The following AK8 variants were observed in gnomAD, a reference collection of about 807,000 sequenced individuals.
AK8 encodes the protein ATP-AMP transphosphorylase 8.
In AK8, 44 loss-of-function variants were observed where a neutral mutation model predicts 54.6. The ratio of observed to expected loss-of-function variants is 0.81; its 90% CI spans 0.63 to 1.04. The LOEUF (loss-of-function observed/expected upper bound fraction) is 1.04. Among genes scored for constraint, AK8 ranks in the 50% least tolerant of loss-of-function variants. The pLI, the probability that AK8 is intolerant of heterozygous loss-of-function variation, is 0.00. For synonymous variants in AK8, 239 were observed against 245.6 expected (o/e 0.97, Z 0.25); for missense variants, 555 against 613.6 (o/e 0.90, Z 1.01).
At chr9:132,844,752 G>C (rs1282278727) in intron 5 of AK8, among the ~76,000 whole-genome samples, 1 of 152,112 alleles carries the variant, frequency 6.6e-6, no homozygotes, top group East Asian at 1.9e-4. Flanking sequence ...AGACTAGAAG[G>C]GATTTCCATG....
At chr9:132,764,621 T>C (rs1838638861) in intron 11 of AK8, among the ~76,000 whole-genome samples, 1 of 151,944 alleles carries the variant, frequency 6.6e-6, no homozygotes, top group Non-Finnish European at 1.5e-5. Context: ...TCAGAAGAAA[T>C]AGTAAAACTG....
chr9:132,836,575 G>T (rs1194044788), intron 5 of AK8, among the ~76,000 whole-genome samples: 1 of 152,202 alleles, frequency 6.6e-6, no homozygotes, highest in African/African-American at 2.4e-5. Flanking sequence ...TGAAACTGGG[G>T]TCTTGCTATA....
intron 10 of AK8, among the ~76,000 whole-genome samples, chr9:132,801,599 G>A (rs1233125738): frequency 6.6e-6 from 1 of 152,080 alleles, no homozygotes; most frequent in East Asian, 1.9e-4. Context: ...CACATCTCAA[G>A]GGCAGCAAGG....
In AK8 at chr9:132,878,103, G is replaced by C. The variant is rs747443639; in HGVS notation, c.84+69C>G. 1 of 1,543,938 alleles carries C rather than the reference G, an allele frequency of 6.5e-7. No individual in the cohort carries two copies. Among genetic ancestry groups the C allele is most frequent in the African/African-American group, 1.4e-5 (1 of 72,664 alleles). ...GGCCCCAGCTGCGGGTCCCGGCCGC[G>C]CACCCGACGTCGCAGTGGAGGCTCC... On this transcript the variant is annotated intron_variant, in intron 1 of 12. Transcript: ENST00000298545. The surrounding 1 kb of genome is among the most constrained non-coding windows in gnomAD (Gnocchi z 4.7).
intron 11 of AK8, among the ~76,000 whole-genome samples, chr9:132,746,233 T>C (rs997514891): frequency 2.6e-5 from 4 of 152,060 alleles, no homozygotes; most frequent in Admixed American, 1.3e-4. Flanking sequence ...CACACACACA[T>C]AGACACACAC....
intron 10 of AK8, among the ~76,000 whole-genome samples, chr9:132,802,561 G>T (rs1840511963): frequency 6.6e-6 from 1 of 152,106 alleles, no homozygotes; most frequent in Non-Finnish European, 1.5e-5. Flanking sequence ...CCCACGGAGA[G>T]GCTGTGAGGA....
At position 132,826,812 on chromosome 9, in the gene AK8, C is replaced by G; in HGVS notation, c.757+42G>C. On this transcript the variant is annotated intron_variant, in intron 8 of 12. Transcript: ENST00000298545. The surrounding 1 kb of genome is among the most constrained non-coding windows in gnomAD (Gnocchi z 4.5). ...GGTAGAAGGCACAGCGAGCCCCGCCCTTGGCCGTCTGTCCAGGGTGGGGCT... is the reference window on the plus strand; with the variant it reads ...GGTAGAAGGCACAGCGAGCCCCGCCGTTGGCCGTCTGTCCAGGGTGGGGCT... 6.2e-7 allele frequency: 1 copy of G among 1,600,280 alleles called. No homozygotes were observed. The highest frequency in any genetic ancestry group is 1.1e-5 in the South Asian group (1 of 90,748).
At chr9:132,744,037 G>C (rs1837521577) in intron 11 of AK8, among the ~76,000 whole-genome samples, 3 of 152,198 alleles carry the variant, frequency 2.0e-5, no homozygotes, top group African/African-American at 7.2e-5. Context: ...TAGCGGGAGG[G>C]ACGGGGGTTG....
rs779143686 is a variant in AK8 at position 132,878,221 on chromosome 9, G to A, written c.35C>T (p.Pro12Leu). 1.4e-5 allele frequency: 21 copies of A among 1,458,180 alleles called. No individual in the cohort carries two copies. Among genetic ancestry groups the A allele is most frequent in the South Asian group, 3.0e-5 (2 of 66,562 alleles). The allele number at this position is 1,458,180 out of a possible 1,614,324, so 90.3% of individuals were successfully genotyped here. A position where few individuals can be genotyped will look rare whatever the true frequency, so the allele number is the denominator to read the frequency against. The part of the protein sequence containing the change: ...DATIAPHRIP[P>L]EMPQYGEENH... The stretch of plus-strand genomic sequence containing the variant: ...CTCCTCCCCGTACTGGGGCATCTCG[G>A]GGGGGATACGGTGCGGGGCGATAGT... Residue 12 changes from proline to leucine, a missense_variant, in exon 1 of 13, where the codon CCC becomes CTC. Coordinates refer to ENST00000298545, the MANE Select transcript of AK8 (RefSeq NM_152572.3). This position sits in a 1 kb window ranked among gnomAD's most constrained non-coding sequence, Gnocchi z 4.7.
intron 10 of AK8, among the ~76,000 whole-genome samples, chr9:132,797,178 G>T (rs1419010892): frequency 6.6e-6 from 1 of 152,092 alleles, no homozygotes; most frequent in Non-Finnish European, 1.5e-5. Context: ...CTTAATACCT[G>T]CATTCCCACC....
At chr9:132,831,423 C>T (rs1315113887) in intron 5 of AK8, among the ~76,000 whole-genome samples, 1 of 152,146 alleles carries the variant, frequency 6.6e-6, no homozygotes, top group African/African-American at 2.4e-5. Context: ...CCTTTCAAGT[C>T]CCGTGAGTCT....
chr9:132,736,525 C>T (rs1360628407), intron 11 of AK8, among the ~76,000 whole-genome samples: 7 of 148,546 alleles, frequency 4.7e-5, no homozygotes, highest in Non-Finnish European at 1.0e-4. Flanking sequence ...GGGCTGGGCG[C>T]GGTGGCTCAC....
chr9:132,844,137 C>T (rs1433338581), intron 5 of AK8, among the ~76,000 whole-genome samples: 2 of 151,946 alleles, frequency 1.3e-5, no homozygotes, highest in African/African-American at 2.4e-5. Flanking sequence ...TCTGAGGATT[C>T]GGGCACATTC....
chr9:132,859,831 T>TAA (rs1248106072), intron 4 of AK8, among the ~76,000 whole-genome samples: 1 of 152,080 alleles, frequency 6.6e-6, no homozygotes, highest in Non-Finnish European at 1.5e-5. Context: ...AAAGGTGGCC[T>TAA]CGGGCTGGGG....
At chr9:132,830,067 CT>C (rs1842042649) in intron 5 of AK8, among the ~76,000 whole-genome samples, 1 of 152,230 alleles carries the variant, frequency 6.6e-6, no homozygotes, top group South Asian at 2.1e-4. Flanking sequence ...GGGAACCACA[CT>C]GTACACACTG....
At chr9:132,796,918 G>A (rs1840200852) in intron 10 of AK8, among the ~76,000 whole-genome samples, 2 of 152,056 alleles carry the variant, frequency 1.3e-5, no homozygotes, top group South Asian at 2.1e-4. Context: ...GCACCCGGAT[G>A]TAATGCAACA....
chr9:132,727,565 T>C, intron 11 of AK8, 31 bp from the exon 12 acceptor site: 1 of 1,584,780 alleles, frequency 6.3e-7, no homozygotes, highest in Non-Finnish European at 8.7e-7. Flanking sequence ...TTAATAATGG[T>C]TTTTATTTCC....
intron 11 of AK8, among the ~76,000 whole-genome samples, chr9:132,762,981 C>T (rs922196325): frequency 5.3e-5 from 8 of 152,220 alleles, no homozygotes; most frequent in African/African-American, 1.7e-4. Context: ...CTTCCTACAG[C>T]GAAAAGGTAG....
chr9:132,804,569 G>A, intron 10 of AK8, among the ~76,000 whole-genome samples: 1 of 151,914 alleles, frequency 6.6e-6, no homozygotes, highest in Non-Finnish European at 1.5e-5. Flanking sequence ...CCAGGGAGGG[G>A]GGTGGGAGCA....
Sources: gnomAD v4.1 joint callset for allele counts (sites outside exome capture counted in the v4.1 genomes callset) on GRCh38, gnomAD v4.1.1 for gene constraint, Gnocchi (gnomAD v3.1) non-coding constraint, MANE v1.5 for transcripts, NCBI Gene and HGNC (gene_info 2026-07-23, HGNC 2026-07-21) for gene names.